ELL: variants seen among roughly 807,000 people sequenced by gnomAD.
ELL encodes the protein RNA polymerase II elongation factor ELL.
Under a neutral mutation model 64.0 loss-of-function variants are expected in ELL, and 18 were observed. The ratio of observed to expected loss-of-function variants is 0.28; its 90% CI spans 0.19 to 0.42. ELL has a LOEUF of 0.42. ELL is among the 10% of genes least tolerant of loss of function. ELL has a pLI of 1.00. For missense variants in ELL, 797 were observed against 870.4 expected (o/e 0.92, Z 1.06); for synonymous variants, 399 against 376.2 (o/e 1.06, Z -0.70).
intron 1 of ELL, among the ~76,000 whole-genome samples, chr19:18,509,525 G>A (rs903952557): frequency 3.3e-5 from 5 of 151,824 alleles, no homozygotes; most frequent in African/African-American, 1.2e-4. Flanking sequence ...CCTGGATAGA[G>A]GGGCCCAACC....
At chr19:18,452,158 G>A (rs564559215) in intron 6 of ELL, among the ~76,000 whole-genome samples, 9 of 152,260 alleles carry the variant, frequency 5.9e-5, no homozygotes, top group African/African-American at 1.7e-4. Context: ...CCCTTCTCCC[G>A]CTCCATGTGA....
chr19:18,466,278 C>T (rs1051631591), intron 2 of ELL, among the ~76,000 whole-genome samples: 1 of 152,192 alleles, frequency 6.6e-6, no homozygotes, highest in Non-Finnish European at 1.5e-5. Context: ...GACTCACTTT[C>T]CCCACCACCA....
chr19:18,456,950 G>A (rs1472955227), intron 6 of ELL, among the ~76,000 whole-genome samples: 1 of 146,462 alleles, frequency 6.8e-6, no homozygotes, highest in Non-Finnish European at 1.5e-5. Flanking sequence ...TAGGGATGGG[G>A]TGCTAAATAG....
intron 2 of ELL, among the ~76,000 whole-genome samples, chr19:18,471,847 A>G (rs576396485): frequency 1.3e-5 from 2 of 152,352 alleles, no homozygotes; most frequent in African/African-American, 4.8e-5. Flanking sequence ...CTGAGTTTCT[A>G]TGAACCTCTC....
chr19:18,504,018 T>G (rs1315413389), intron 1 of ELL, among the ~76,000 whole-genome samples: 1 of 152,238 alleles, frequency 6.6e-6, no homozygotes, highest in African/African-American at 2.4e-5. Flanking sequence ...AGGGGCTCAC[T>G]GAAGCACTGA....
At chr19:18,473,315 G>A (rs1233711704) in intron 1 of ELL, 3 of 425,200 alleles carry the variant, frequency 7.1e-6, no homozygotes, top group African/African-American at 6.1e-5. Flanking sequence ...CTCTCCCAAG[G>A]ACCCATACAG....
intron 1 of ELL, among the ~76,000 whole-genome samples, chr19:18,500,024 AGCC>A (rs1478177948): frequency 6.6e-6 from 1 of 152,194 alleles, no homozygotes; most frequent in Non-Finnish European, 1.5e-5. Flanking sequence ...CACTTTGGGA[AGCC>A]GAGGCGAGCA....
chr19:18,493,714 CA>C lies in ELL; in HGVS notation c.136-20833del, dbSNP rs1255812064. Among the ~76,000 whole-genome samples, 7 of 152,312 alleles carry C rather than the reference CA, an allele frequency of 4.6e-5. No individual in the cohort carries two copies. In the East Asian group the frequency reaches 1.2e-3, roughly 25 times the overall value. ...GTTGGCCCTGCCTCAGGCCCTGCCC[CA>C]GAAGTGCCCAGCTCCCTAACAGGGG... On this transcript the variant is annotated intron_variant, in intron 1 of 11. Transcript: ENST00000262809.
At chr19:18,516,856 T>C (rs1311920280) in intron 1 of ELL, among the ~76,000 whole-genome samples, 37 of 151,960 alleles carry the variant, frequency 2.4e-4, no homozygotes, top group Non-Finnish European at 1.5e-5. Context: ...CTGAGAAGGA[T>C]TCGGAGATGG....
Position 18,472,886 on chromosome 19 carries a change from T to TAAAAAAAAAAACAAA in ELL, c.136-5_136-4insTTTGTTTTTTTTTTT. The TAAAAAAAAAAACAAA allele has an allele frequency of 2.5e-6, 3 of 1,213,072 alleles. No individual in the cohort carries two copies. The highest frequency in any genetic ancestry group is 3.6e-5 in the South Asian group (2 of 55,648). 75.1% of individuals were successfully genotyped at this position (1,213,072 alleles called of 1,614,324 possible). On this transcript the variant is annotated splice_region_variant and splice_polypyrimidine_tract_variant and intron_variant, in intron 1 of 11. Coordinates refer to ENST00000262809, the MANE Select transcript of ELL (RefSeq NM_006532.4). Reference sequence around the variant, plus strand: ...ATGGCCTCAGTGAAACAGAATCCTATAAAAAAAAAAAAAAAAAAAAAAAGG... The same window carrying TAAAAAAAAAAACAAA: ...ATGGCCTCAGTGAAACAGAATCCTATAAAAAAAAAAACAAAAAAAAAAAAAAAAAAAAAAAAAAGG...
Position 18,501,015 on chromosome 19 carries a change from C to G in ELL, c.135+20906G>C, listed in dbSNP as rs945203118. On this transcript the variant is annotated intron_variant, in intron 1 of 11. Coordinates refer to ENST00000262809, the MANE Select transcript of ELL (RefSeq NM_006532.4). This position sits in a 1 kb window ranked among gnomAD's most constrained non-coding sequence, Gnocchi z 4.5. Reference sequence around the variant, plus strand: ...AGAACCTGCAGGGAAGCAGGCCAACCTCCAACCACCGAACTTGGGCCAAAA... The same window carrying G: ...AGAACCTGCAGGGAAGCAGGCCAACGTCCAACCACCGAACTTGGGCCAAAA... 1.3e-5 allele frequency among the ~76,000 whole-genome samples: 2 copies of G among 152,116 alleles called. No homozygotes were observed. Among genetic ancestry groups the G allele is most frequent in the African/African-American group, 4.8e-5 (2 of 41,406 alleles).
chr19:18,502,064 G>A (rs965245426), intron 1 of ELL, among the ~76,000 whole-genome samples: 3 of 152,182 alleles, frequency 2.0e-5, no homozygotes, highest in African/African-American at 7.2e-5. Context: ...AGCAGCACCT[G>A]GCATGGGGAC....
chr19:18,448,083 G>T (rs976886235), intron 8 of ELL, among the ~76,000 whole-genome samples: 28 of 151,702 alleles, frequency 1.8e-4, no homozygotes, highest in Admixed American at 9.8e-4. Flanking sequence ...ACCACACCTG[G>T]CGAATTTTTT....
At chr19:18,509,421 GGT>G (rs1438268069) in intron 1 of ELL, among the ~76,000 whole-genome samples, 2 of 152,062 alleles carry the variant, frequency 1.3e-5, no homozygotes, top group African/African-American at 4.8e-5. Flanking sequence ...TTGGGTTCCT[GGT>G]GGGGAGTCAC....
intron 1 of ELL, among the ~76,000 whole-genome samples, chr19:18,488,501 G>A (rs1975462321): frequency 6.6e-6 from 1 of 152,198 alleles, no homozygotes; most frequent in African/African-American, 2.4e-5. Context: ...GGAGGCCCTG[G>A]GGCTCAGGAT....
intron 1 of ELL, among the ~76,000 whole-genome samples, chr19:18,511,490 C>G (rs1976021926): frequency 6.6e-6 from 1 of 152,168 alleles, no homozygotes; most frequent in African/African-American, 2.4e-5. Flanking sequence ...GCCCTGTTCA[C>G]AGTAGCATGG....
intron 2 of ELL, chr19:18,471,343 C>T (rs1320707176): frequency 2.2e-6 from 1 of 445,470 alleles, no homozygotes; most frequent in Non-Finnish European, 4.5e-6. Context: ...CCACTGCACT[C>T]CAGCCTCGGC....
intron 4 of ELL, among the ~76,000 whole-genome samples, chr19:18,464,634 T>C (rs1054432989): frequency 6.6e-6 from 1 of 152,108 alleles, no homozygotes; most frequent in Non-Finnish European, 1.5e-5. Flanking sequence ...GGAATTGAAA[T>C]GCCCCCGCCT....
rs1975775637 is a variant in ELL at position 18,501,284 on chromosome 19, T to C, written c.135+20637A>G. Among the ~76,000 whole-genome samples the C allele has an allele frequency of 6.7e-6, 1 of 149,890 alleles. No homozygotes were observed. Among genetic ancestry groups the C allele is most frequent in the Non-Finnish European group, 1.5e-5 (1 of 67,520 alleles). ...GAGTAACGCAAGTGGGCAAAACACA[T>C]GAGAAGCCACCAAGCAGACCCGGAT... On this transcript the variant is annotated intron_variant, in intron 1 of 11. Transcript: ENST00000262809. This position sits in a 1 kb window ranked among gnomAD's most constrained non-coding sequence, Gnocchi z 4.5.
Sources: allele counts gnomAD v4.1 joint callset (sites outside exome capture counted in the v4.1 genomes callset), GRCh38; gene constraint gnomAD v4.1.1; non-coding constraint Gnocchi (gnomAD v3.1); transcripts MANE v1.5; gene names NCBI Gene and HGNC (gene_info 2026-07-23, HGNC 2026-07-21).